The following PLD5 variants were observed in gnomAD, a reference collection of about 807,000 sequenced individuals.
PLD5 encodes phospholipase D family member 5.
A neutral mutation model predicts 61.1 loss-of-function variants in PLD5; 36 were observed. The observed-to-expected ratio is 0.59, with a 90% CI of 0.45 to 0.78. The LOEUF (loss-of-function observed/expected upper bound fraction) is 0.78. PLD5 is among the 30% of genes least tolerant of loss of function. The pLI is 0.00. For synonymous variants in PLD5, 243 were observed against 242.8 expected (o/e 1.00, Z -0.01); for missense variants, 515 against 644.4 (o/e 0.80, Z 2.17).
intron 1 of PLD5, among the ~76,000 whole-genome samples, chr1:242,441,738 A>G (rs1666285251): frequency 6.6e-6 from 1 of 152,010 alleles, no homozygotes. Flanking sequence ...TAGGCAGGGG[A>G]GCCACCGAGC....
intron 5 of PLD5, among the ~76,000 whole-genome samples, chr1:242,196,841 C>A (rs2148945342): frequency 6.6e-6 from 1 of 152,288 alleles, no homozygotes; most frequent in South Asian, 2.1e-4. Flanking sequence ...TCTTTTCCAC[C>A]CACATCTGTA....
At chr1:242,168,870 A>AC (rs66493041) in intron 5 of PLD5, among the ~76,000 whole-genome samples, 12,447 of 57,878 alleles carry the variant, frequency 0.22, 1,015 homozygotes, top group East Asian at 0.57. Flanking sequence ...TTTTTTTACC[A>AC]CCCCCCATGA....
chr1:242,321,044 C>T (rs374534697), intron 2 of PLD5, among the ~76,000 whole-genome samples: 6 of 152,198 alleles, frequency 3.9e-5, no homozygotes, highest in South Asian at 4.2e-4. Context: ...TACTATCAAC[C>T]GAAAGAAATA....
At chr1:242,445,630 C>A (rs1666496839) in intron 1 of PLD5, among the ~76,000 whole-genome samples, 1 of 152,192 alleles carries the variant, frequency 6.6e-6, no homozygotes, top group Non-Finnish European at 1.5e-5. Context: ...GCATGAGCCA[C>A]CGCGCCTGGC....
chr1:242,165,434 T>A (rs1199808124), intron 5 of PLD5, among the ~76,000 whole-genome samples: 2 of 146,788 alleles, frequency 1.4e-5, no homozygotes, highest in Non-Finnish European at 1.5e-5. Context: ...ATAAATAGGT[T>A]GTGTGTGGCT....
chr1:242,462,612 A>G (rs1259443819), intron 1 of PLD5, among the ~76,000 whole-genome samples: 1 of 149,838 alleles, frequency 6.7e-6, no homozygotes, highest in African/African-American at 2.5e-5. Flanking sequence ...AGTTGAAATA[A>G]AAAAAAAAAG....
intron 5 of PLD5, among the ~76,000 whole-genome samples, chr1:242,176,934 G>A (rs1204343943): frequency 6.6e-6 from 1 of 152,210 alleles, no homozygotes. Flanking sequence ...AACAGATGCT[G>A]GAGAGGATGT....
At chr1:242,340,458 G>C (rs1256071548) in intron 2 of PLD5, among the ~76,000 whole-genome samples, 1 of 151,008 alleles carries the variant, frequency 6.6e-6, no homozygotes, top group East Asian at 2.0e-4. Flanking sequence ...GGTGAAAAAT[G>C]ATAATAAGCT....
chr1:242,106,068 G>C (rs749209113), intron 8 of PLD5, among the ~76,000 whole-genome samples: 1 of 152,166 alleles, frequency 6.6e-6, no homozygotes, highest in African/African-American at 2.4e-5. Context: ...AGGAGTATGA[G>C]GACTTCACAG....
chr1:242,437,227 C>A (rs564348106), intron 1 of PLD5, among the ~76,000 whole-genome samples: 1 of 152,132 alleles, frequency 6.6e-6, no homozygotes, highest in Non-Finnish European at 1.5e-5. Context: ...ACATTTAAAT[C>A]GAAAGTAACT....
chr1:242,091,825 T>TC (rs1659851096), intron 9 of PLD5, among the ~76,000 whole-genome samples: 1 of 43,230 alleles, frequency 2.3e-5, no homozygotes, highest in Non-Finnish European at 4.6e-5. Flanking sequence ...TTTTCTTTTC[T>TC]TTTTTTCTTT....
intron 5 of PLD5, among the ~76,000 whole-genome samples, chr1:242,175,354 G>A (rs911108459): frequency 6.6e-6 from 1 of 151,930 alleles, no homozygotes; most frequent in Non-Finnish European, 1.5e-5. Flanking sequence ...CAAAAATCAC[G>A]ATTATCTCAA....
chr1:242,195,346 C>T (rs150240442), intron 5 of PLD5, among the ~76,000 whole-genome samples: 269 of 152,254 alleles, frequency 1.8e-3, no homozygotes, highest in African/African-American at 6.3e-3. Flanking sequence ...GAGCAGAGCT[C>T]CCCAAAATGC....
At chr1:242,269,197 C>G (rs1300962267) in intron 3 of PLD5, among the ~76,000 whole-genome samples, 2 of 152,154 alleles carry the variant, frequency 1.3e-5, no homozygotes, top group Non-Finnish European at 1.5e-5. Context: ...TTTTAAACAT[C>G]ACCAATATAA....
At chr1:242,297,217 G>A (rs1398774915) in intron 2 of PLD5, among the ~76,000 whole-genome samples, 2 of 152,006 alleles carry the variant, frequency 1.3e-5, no homozygotes, top group African/African-American at 4.8e-5. Flanking sequence ...GGTGGCATGT[G>A]CCTGTAGTCC....
intron 1 of PLD5, among the ~76,000 whole-genome samples, chr1:242,387,714 T>C (rs28446325): frequency 1.4e-5 from 2 of 142,346 alleles, no homozygotes; most frequent in African/African-American, 2.7e-5. Context: ...ATTTTATCTA[T>C]TTTATATAAA....
intron 2 of PLD5, among the ~76,000 whole-genome samples, chr1:242,321,095 G>C (rs1388612247): frequency 6.6e-6 from 1 of 152,094 alleles, no homozygotes; most frequent in African/African-American, 2.4e-5. Context: ...GACATAGTTT[G>C]AGACTGCTTG....
At chr1:242,469,664 C>T in intron 1 of PLD5, among the ~76,000 whole-genome samples, 1 of 152,154 alleles carries the variant, frequency 6.6e-6, no homozygotes, top group East Asian at 1.9e-4. Context: ...ACACAAGCCA[C>T]TATGCCCAGC....
intron 1 of PLD5, among the ~76,000 whole-genome samples, chr1:242,461,921 GT>G (rs1405834773): frequency 6.6e-6 from 1 of 151,962 alleles, no homozygotes; most frequent in Non-Finnish European, 1.5e-5. Flanking sequence ...GGGTTTATTT[GT>G]TTTTTGCTTA....
Sources: allele counts gnomAD v4.1 joint callset (sites outside exome capture counted in the v4.1 genomes callset), GRCh38; gene constraint gnomAD v4.1.1; transcripts MANE v1.5; gene names NCBI Gene and HGNC (gene_info 2026-07-23, HGNC 2026-07-21).